MAP2K5: variants seen among roughly 807,000 people sequenced by gnomAD.
MAP2K5 encodes mitogen-activated protein kinase kinase 5, also known as dual specificity mitogen-activated protein kinase kinase 5.
Under a neutral mutation model 83.1 loss-of-function variants are expected in MAP2K5, and 49 were observed. The observed-to-expected ratio is 0.59, with a 90% confidence interval of 0.47 to 0.75. The LOEUF (loss-of-function observed/expected upper bound fraction) is 0.75. MAP2K5 is among the 30% of genes least tolerant of loss of function. MAP2K5 has a pLI of 0.00. For missense variants in MAP2K5, 457 were observed against 557.5 expected, an observed-to-expected ratio of 0.82 and a Z score of 1.82; for synonymous variants, 202 against 191.8, an observed-to-expected ratio of 1.05 and a Z score of -0.44.
intron 9 of MAP2K5, chr15:67,642,425 G>A (rs558701056): frequency 6.2e-7 from 1 of 1,609,968 alleles, no homozygotes; most frequent in South Asian, 1.1e-5. Context: ...AGGAGATGAG[G>A]GATGCATGCT....
At chr15:67,787,128 A>C (rs1365954331) in intron 21 of MAP2K5, among the ~76,000 whole-genome samples, 4 of 152,162 alleles carry the variant, frequency 2.6e-5, no homozygotes, top group African/African-American at 9.6e-5. Flanking sequence ...TCAATGATAG[A>C]TAGGCAGGCA....
At chr15:67,643,127 G>A (rs905332721) in intron 9 of MAP2K5, among the ~76,000 whole-genome samples, 1 of 152,082 alleles carries the variant, frequency 6.6e-6, no homozygotes, top group African/African-American at 2.4e-5. Flanking sequence ...AGTGCCCTAG[G>A]TATTACGATA....
intron 14 of MAP2K5, 61 bp downstream of exon 14, chr15:67,692,613 T>C: frequency 7.5e-7 from 1 of 1,324,566 alleles, no homozygotes; most frequent in Non-Finnish European, 1.1e-6. Flanking sequence ...ATATTTTCAT[T>C]CTGTTCTCTG....
At chr15:67,634,205 A>T (rs2141094995) in intron 9 of MAP2K5, among the ~76,000 whole-genome samples, 1 of 151,642 alleles carries the variant, frequency 6.6e-6, no homozygotes, top group South Asian at 2.1e-4. Flanking sequence ...CAAAAAATAA[A>T]AAATAAAAAA....
At position 67,783,166 on chromosome 15, in the gene MAP2K5, T is replaced by G. The variant is rs1340101395; in HGVS notation, c.1242+10414T>G. On this transcript the variant is annotated intron_variant, in intron 21 of 21. Coordinates refer to ENST00000178640, the MANE Select transcript of MAP2K5 (RefSeq NM_145160.3). This position sits in a 1 kb window ranked among gnomAD's most constrained non-coding sequence, Gnocchi z 5.1. ...CTTAGCATCTGCTCTGTGCCCAGCA[T>G]CCTGCCTGACACCGAGGAGGCAGCA... is the stretch of plus-strand genomic sequence containing the variant. 6.6e-6 allele frequency among the ~76,000 whole-genome samples: 1 copy of G among 152,200 alleles called. No individual in the cohort carries two copies. Among genetic ancestry groups the G allele is most frequent in the African/African-American group, 2.4e-5 (1 of 41,450 alleles).
chr15:67,596,170 A>G (rs1383113492), intron 7 of MAP2K5, among the ~76,000 whole-genome samples: 3 of 152,306 alleles, frequency 2.0e-5, no homozygotes, highest in East Asian at 3.9e-4. Context: ...GTGGTGGCTC[A>G]TGCCTGTAAT....
chr15:67,741,933 C>T (rs1432277742), intron 17 of MAP2K5, among the ~76,000 whole-genome samples: 1 of 149,118 alleles, frequency 6.7e-6, no homozygotes, highest in Non-Finnish European at 1.5e-5. Context: ...CTTGCTCTGT[C>T]GCTCAGGCTG....
At chr15:67,763,345 T>C (rs1187252425) in intron 19 of MAP2K5, among the ~76,000 whole-genome samples, 1 of 152,172 alleles carries the variant, frequency 6.6e-6, no homozygotes, top group East Asian at 1.9e-4. Flanking sequence ...TTTGTACAAA[T>C]CTGCTATGTA....
At chr15:67,710,585 C>T (rs1305263209) in intron 16 of MAP2K5, among the ~76,000 whole-genome samples, 2 of 148,132 alleles carry the variant, frequency 1.4e-5, no homozygotes, top group East Asian at 4.2e-4. Context: ...CTCATTGCAA[C>T]CTCCGCCTCC....
At chr15:67,631,846 C>T (rs2086479748) in intron 9 of MAP2K5, among the ~76,000 whole-genome samples, 1 of 152,128 alleles carries the variant, frequency 6.6e-6, no homozygotes, top group East Asian at 1.9e-4. Context: ...TAATTAAGTC[C>T]TAACCCCACA....
At chr15:67,624,992 G>A (rs1200164329) in intron 8 of MAP2K5, among the ~76,000 whole-genome samples, 1 of 152,074 alleles carries the variant, frequency 6.6e-6, no homozygotes, top group East Asian at 1.9e-4. Context: ...GGCTCGTCTT[G>A]GCTTTGCCAC....
chr15:67,582,081 G>A (rs1378818089), intron 4 of MAP2K5, among the ~76,000 whole-genome samples: 5 of 97,852 alleles, frequency 5.1e-5, no homozygotes, highest in African/African-American at 1.9e-4. Context: ...TTTTTTTTTC[G>A]AGACAGAGTC....
At chr15:67,711,459 G>A (rs891994378) in intron 16 of MAP2K5, among the ~76,000 whole-genome samples, 14 of 152,186 alleles carry the variant, frequency 9.2e-5, no homozygotes, top group South Asian at 4.1e-4. Flanking sequence ...CTCTTTAGAT[G>A]GGAGATCTAT....
rs1463173921 is a variant in MAP2K5 at position 67,777,666 on chromosome 15, G to T, written c.1242+4914G>T. On this transcript the variant is annotated intron_variant, in intron 21 of 21. Transcript: ENST00000178640. This position sits in a 1 kb window ranked among gnomAD's most constrained non-coding sequence, Gnocchi z 6.0. ...TATTATCTGTTCTAGCTGTTCAGTG[G>T]CAGCGAGAATTTCAGAGAAACAAGC... is the stretch of plus-strand genomic sequence containing the variant. Among the ~76,000 whole-genome samples the T allele has an allele frequency of 6.6e-6, 1 of 152,206 alleles. No homozygotes were observed.
chr15:67,614,167 A>T (rs1019371380), intron 8 of MAP2K5, among the ~76,000 whole-genome samples: 1 of 152,196 alleles, frequency 6.6e-6, no homozygotes, highest in Admixed American at 6.5e-5. Flanking sequence ...ACTTACAGAT[A>T]GGAATCGTGA....
chr15:67,762,158 G>A (rs1448489705), intron 19 of MAP2K5, among the ~76,000 whole-genome samples: 2 of 152,228 alleles, frequency 1.3e-5, no homozygotes, highest in Non-Finnish European at 2.9e-5. Flanking sequence ...ATGAAAAGCA[G>A]TAGAAATGCA....
rs371374326 is a variant in MAP2K5, at chr15:67,785,681, C to T, written c.1242+12929C>T. On this transcript the variant is annotated intron_variant, in intron 21 of 21. Coordinates refer to ENST00000178640, the MANE Select transcript of MAP2K5 (RefSeq NM_145160.3). The surrounding 1 kb of genome is among the most constrained non-coding windows in gnomAD (Gnocchi z 4.4). ...GGGACCTGGCATGGAGCCATGACCTCGCTCATCCTATGACCTTGATGGAAG... is the reference window on the plus strand; with the variant it reads ...GGGACCTGGCATGGAGCCATGACCTTGCTCATCCTATGACCTTGATGGAAG... Among the ~76,000 whole-genome samples, 11 of 152,256 alleles carry T rather than the reference C, an allele frequency of 7.2e-5. No homozygotes were observed. Among genetic ancestry groups the T allele is most frequent in the South Asian group, 4.1e-4 (2 of 4,824 alleles).
chr15:67,587,817 C>T lies in MAP2K5; in HGVS notation c.431+904C>T, dbSNP rs1397347484. Among the ~76,000 whole-genome samples the T allele has an allele frequency of 6.6e-6, 1 of 152,162 alleles. No homozygotes were observed. The highest frequency in any genetic ancestry group is 2.4e-5 in the African/African-American group (1 of 41,420). On this transcript the variant is annotated intron_variant, in intron 6 of 21. Transcript: ENST00000178640. The surrounding 1 kb of genome is among the most constrained non-coding windows in gnomAD (Gnocchi z 4.8). Reference sequence around the variant, plus strand: ...GCTAACTCCAGATAACTTGTCAGTCCTCCTTCACTGCTTCCTAGGCCTCCC... The same window carrying T: ...GCTAACTCCAGATAACTTGTCAGTCTTCCTTCACTGCTTCCTAGGCCTCCC...
At chr15:67,771,768 G>C (rs1462221752) in intron 20 of MAP2K5, among the ~76,000 whole-genome samples, 1 of 152,182 alleles carries the variant, frequency 6.6e-6, no homozygotes, top group South Asian at 2.1e-4. Context: ...TTTTAAAAAA[G>C]TATTGTCAGC....
Sources: allele counts gnomAD v4.1 joint callset (sites outside exome capture counted in the v4.1 genomes callset), GRCh38; gene constraint gnomAD v4.1.1; non-coding constraint Gnocchi (gnomAD v3.1); transcripts MANE v1.5; gene names NCBI Gene and HGNC (gene_info 2026-07-23, HGNC 2026-07-21).